Variants in PCGF2 observed in about 807,000 individuals in gnomAD.
PCGF2 encodes polycomb group RING finger protein 2.
Under a neutral mutation model 36.1 loss-of-function variants are expected in PCGF2, and 8 were observed. The ratio of observed to expected loss-of-function variants is 0.22; its 90% confidence interval spans 0.13 to 0.40. The LOEUF (loss-of-function observed/expected upper bound fraction) is 0.40. Among genes scored for constraint, PCGF2 ranks in the 10% least tolerant of loss-of-function variants. The pLI is 1.00. For missense variants in PCGF2, 436 were observed against 475.9 expected (o/e 0.92, Z 0.78); for synonymous variants, 198 against 191.2 (o/e 1.04, Z -0.29).
chr17:38,744,761 A>T (rs553368746), intron 2 of PCGF2, among the ~76,000 whole-genome samples: 1 of 152,304 alleles, frequency 6.6e-6, no homozygotes, highest in South Asian at 2.1e-4. Context: ...CCCAGCCCCA[A>T]GGCCCCTGTG....
At chr17:38,735,723 C>A in intron 10 of PCGF2, 123 bp from the exon 11 acceptor site, 1 of 1,301,146 alleles carries the variant, frequency 7.7e-7, no homozygotes, top group Non-Finnish European at 1.0e-6. Context: ...TGGGATGGGG[C>A]CTTGGAGAGG....
rs1022353470 is a variant in PCGF2, at chr17:38,740,286, C to T, written c.112+5G>A. On this transcript the variant is annotated splice_donor_5th_base_variant and intron_variant, in intron 3 of 10. Coordinates refer to ENST00000620225, the MANE Select transcript of PCGF2 (RefSeq NM_007144.3). ...CCCTGAGCAGCTCCCCTCCCCCCAA[C>T]TCACAGGAATGCAGGCACTCCACGA... is the stretch of plus-strand genomic sequence containing the variant. 1.2e-6 allele frequency: 2 copies of T among 1,612,016 alleles called. No homozygotes were observed. The highest frequency in any genetic ancestry group is 2.7e-5 in the African/African-American group (2 of 74,902).
upstream of PCGF2, chr17:38,749,487 A>G (rs1027285582): frequency 2.5e-6 from 1 of 394,328 alleles, no homozygotes; most frequent in Admixed American, 2.6e-5. The surrounding 1 kb of genome is among the most constrained non-coding windows in gnomAD (Gnocchi z 6.5). Context: ...GCGTTACTGG[A>G]CGCCCGTGGG....
chr17:38,737,324 G>C (rs1481436460), intron 9 of PCGF2, among the ~76,000 whole-genome samples: 1 of 151,972 alleles, frequency 6.6e-6, no homozygotes, highest in Non-Finnish European at 1.5e-5. Flanking sequence ...TTAGCCACGT[G>C]TGGTGGCATG....
chr17:38,749,547 G>T (rs1348471690), upstream of PCGF2: 1 of 438,512 alleles, frequency 2.3e-6, no homozygotes, highest in Admixed American at 2.4e-5. The surrounding 1 kb of genome is among the most constrained non-coding windows in gnomAD (Gnocchi z 6.5). Flanking sequence ...ATTTATTAGG[G>T]ATGGCGGCCG....
chr17:38,743,176 C>T (rs1271375547), intron 2 of PCGF2, among the ~76,000 whole-genome samples: 2 of 151,504 alleles, frequency 1.3e-5, no homozygotes, highest in African/African-American at 4.9e-5. Flanking sequence ...CTGCAGCCTC[C>T]GCCTACCGGG....
intron 6 of PCGF2, 33 bp from the exon 7 acceptor site, chr17:38,738,894 G>A (rs1485922115): frequency 4.4e-6 from 7 of 1,590,106 alleles, no homozygotes; most frequent in Non-Finnish European, 6.0e-6. Context: ...GGTTGGCGGA[G>A]GATGTAGGAA....
chr17:38,740,179 C>A, intron 3 of PCGF2, 112 bp downstream of exon 3: 1 of 887,638 alleles, frequency 1.1e-6, no homozygotes, highest in Non-Finnish European at 1.8e-6. Flanking sequence ...GACACGTGGG[C>A]GCGTTGGCTC....
chr17:38,736,073 C>CTG lies in PCGF2; in HGVS notation c.657+16_657+17insCA. 1 of 1,548,100 alleles carries CTG rather than the reference C, an allele frequency of 6.5e-7. No individual in the cohort carries two copies. Among genetic ancestry groups the CTG allele is most frequent in the Non-Finnish European group, 8.8e-7 (1 of 1,139,492 alleles). On this transcript the variant is annotated intron_variant, in intron 10 of 10. Coordinates refer to ENST00000620225, the MANE Select transcript of PCGF2 (RefSeq NM_007144.3). ...CTGTGGGAGTCTGCTCCCTGCCCGC[C>CTG]CCACTCGCTGGCTCACCCGCCGCCA...
chr17:38,737,079 G>A (rs1906819474), intron 9 of PCGF2, among the ~76,000 whole-genome samples: 1 of 152,004 alleles, frequency 6.6e-6, no homozygotes, highest in African/African-American at 2.4e-5. Flanking sequence ...AGGTTGCGGT[G>A]AGCCAAGATC....
chr17:38,749,472 A>G, upstream of PCGF2: 1 of 381,696 alleles, frequency 2.6e-6, no homozygotes, highest in Admixed American at 2.8e-5. The surrounding 1 kb of genome is among the most constrained non-coding windows in gnomAD (Gnocchi z 6.5). Flanking sequence ...AAGCGAATCG[A>G]TACTGCGTTA....
In PCGF2 at chr17:38,736,185, C is replaced by T. The variant is rs1303041498; in HGVS notation, c.577-15G>A. The T allele has an allele frequency of 1.0e-5, 16 of 1,544,388 alleles. No homozygotes were observed. The highest frequency in any genetic ancestry group is 2.7e-5 in the African/African-American group (2 of 73,298). ...AGAACCTCCACCTGGGGGAGGGAAG[C>T]GGAGGACACCATGACCCTGGCCAGC... is the stretch of plus-strand genomic sequence containing the variant. On this transcript the variant is annotated splice_polypyrimidine_tract_variant and intron_variant, in intron 9 of 10. Coordinates refer to ENST00000620225, the MANE Select transcript of PCGF2 (RefSeq NM_007144.3).
intron 2 of PCGF2, among the ~76,000 whole-genome samples, chr17:38,746,918 A>G (rs1438787814): frequency 6.6e-6 from 1 of 151,886 alleles, no homozygotes; most frequent in Non-Finnish European, 1.5e-5. Flanking sequence ...TGAAGGGGGG[A>G]GGGAGGAGAG....
At chr17:38,740,181 C>A in intron 3 of PCGF2, 110 bp downstream of exon 3, 1 of 925,360 alleles carries the variant, frequency 1.1e-6, no homozygotes. Flanking sequence ...CACGTGGGCG[C>A]GTTGGCTCTT....
At chr17:38,743,403 TAAG>T (rs3066522) in intron 2 of PCGF2, among the ~76,000 whole-genome samples, 113,978 of 151,160 alleles carry the variant, frequency 0.75, 43,961 homozygotes, top group East Asian at 0.9. Flanking sequence ...CACTTGCTTT[TAAG>T]AAGAACCCCA....
rs748192489 is a variant in PCGF2, at chr17:38,739,143, A to G, written c.266-25T>C. On this transcript the variant is annotated intron_variant, in intron 5 of 10. Transcript: ENST00000620225. This position sits in a 1 kb window ranked among gnomAD's most constrained non-coding sequence, Gnocchi z 4.0. The stretch of plus-strand genomic sequence containing the variant: ...TCTGGAAGAAGGCAGCAGGATGAGG[A>G]CAGGGCCATGGGTTGGGAAATGGGG... 2.5e-6 allele frequency: 4 copies of G among 1,614,102 alleles called. No homozygotes were observed. Among genetic ancestry groups the G allele is most frequent in the South Asian group, 1.1e-5 (1 of 91,078 alleles).
rs368479811 is a variant in PCGF2 at position 38,738,430 on chromosome 17, G to A, written c.499C>T (p.Arg167Ter). Residue 167 changes from arginine to a stop codon, truncating the protein, a stop_gained, in exon 9 of 11, where the codon CGA (arginine) becomes TGA (stop). Coordinates refer to ENST00000620225, the MANE Select transcript of PCGF2 (RefSeq NM_007144.3). LOFTEE classifies it high-confidence loss of function. ...ATGACGGTCATGGCTGCTGGGCATC[G>A]CAGGAAGCGCACCCCTGTCTGCTGG... ...DKEKTGVRFL[R>*]CPAAMTVMHL... 2 of 1,614,146 alleles carry A rather than the reference G, an allele frequency of 1.2e-6. No homozygotes were observed. The highest frequency in any genetic ancestry group is 2.2e-5 in the East Asian group (1 of 44,888).
chr17:38,743,096 T>C (rs1907309137), intron 2 of PCGF2, among the ~76,000 whole-genome samples: 1 of 148,468 alleles, frequency 6.7e-6, no homozygotes, highest in South Asian at 2.1e-4. Context: ...CACTTGCTCT[T>C]TTTTTTTTTT....
At chr17:38,735,653 CAG>C (rs1323217532) in intron 10 of PCGF2, 53 bp from the exon 11 acceptor site, 6 of 1,481,018 alleles carry the variant, frequency 4.1e-6, no homozygotes, top group Non-Finnish European at 5.4e-6. Flanking sequence ...TATCAGGAGA[CAG>C]AGTCCAACTA....
Sources: allele counts gnomAD v4.1 joint callset (sites outside exome capture counted in the v4.1 genomes callset), GRCh38; gene constraint gnomAD v4.1.1; non-coding constraint Gnocchi (gnomAD v3.1); transcripts MANE v1.5; gene names NCBI Gene and HGNC (gene_info 2026-07-23, HGNC 2026-07-21).